MCPH1: variants seen among roughly 807,000 people sequenced by gnomAD.
MCPH1 encodes the protein microcephalin 1.
Under a neutral mutation model 84.5 loss-of-function variants are expected in MCPH1, and 104 were observed. The ratio of observed to expected loss-of-function variants is 1.23; its 90% CI spans 1.05 to 1.45. The LOEUF (loss-of-function observed/expected upper bound fraction) is 1.45. Ranked by LOEUF, MCPH1 falls within the 40% of genes most tolerant of loss-of-function variation. The probability of loss-of-function intolerance (pLI) is 0.00; values close to 1 mark genes in which losing one functional copy is unlikely to be tolerated. For synonymous variants in MCPH1, 514 were observed against 366.8 expected (o/e 1.40, Z -4.58); for missense variants, 1,498 against 1,005.7 (o/e 1.49, Z -6.62).
chr8:6,544,709 C>T (rs1822235613), intron 12 of MCPH1, among the ~76,000 whole-genome samples: 1 of 152,088 alleles, frequency 6.6e-6, no homozygotes, highest in Non-Finnish European at 1.5e-5. Flanking sequence ...AAATGGCACT[C>T]TAAGAAGGAA....
chr8:6,530,153 G>C (rs1464716822), intron 12 of MCPH1, among the ~76,000 whole-genome samples: 5 of 152,158 alleles, frequency 3.3e-5, no homozygotes, highest in Non-Finnish European at 7.4e-5. Context: ...GTATCAAAAG[G>C]TGGGGCATGT....
At chr8:6,428,035 A>G (rs1336642342) in intron 3 of MCPH1, among the ~76,000 whole-genome samples, 2 of 149,980 alleles carry the variant, frequency 1.3e-5, no homozygotes, top group African/African-American at 4.9e-5. Context: ...TCCCGCCTCA[A>G]CCTCCCAAAG....
chr8:6,508,636 A>G (rs1814282615), intron 12 of MCPH1: 1 of 573,454 alleles, frequency 1.7e-6, no homozygotes, highest in Non-Finnish European at 3.1e-6. Context: ...TCTAGTATCC[A>G]GCAAGCACAA....
At chr8:6,547,057 C>T (rs1476551028) in intron 12 of MCPH1, among the ~76,000 whole-genome samples, 4 of 152,048 alleles carry the variant, frequency 2.6e-5, no homozygotes, top group Non-Finnish European at 4.4e-5. Context: ...TCCGTGTGTA[C>T]CGTGGTTGCC....
intron 12 of MCPH1, chr8:6,514,830 T>A (rs1173278047): frequency 7.0e-7 from 1 of 1,422,348 alleles, no homozygotes; most frequent in Admixed American, 1.7e-5. Context: ...ACTCCCCCCT[T>A]ACGTAGCAGA....
At chr8:6,448,954 T>G (rs1804741528) in intron 8 of MCPH1, among the ~76,000 whole-genome samples, 1 of 152,246 alleles carries the variant, frequency 6.6e-6, no homozygotes. Flanking sequence ...CATTTTTTTT[T>G]GTAATACAGG....
At chr8:6,455,746 C>T (rs1805603485) in intron 9 of MCPH1, among the ~76,000 whole-genome samples, 1 of 152,234 alleles carries the variant, frequency 6.6e-6, no homozygotes, top group Non-Finnish European at 1.5e-5. Context: ...GATCCTCTTA[C>T]ATGAGTAATA....
In MCPH1 at chr8:6,539,802, G is replaced by C. The variant is rs2959803; in HGVS notation, c.2214+39873G>C. On this transcript the variant is annotated intron_variant, in intron 12 of 13. Transcript: ENST00000344683. ...GGGCTTCGCCATGTTGGTCAGGCTG[G>C]TCTGAAACTCCTGACATCAGGCCAT... Among the ~76,000 whole-genome samples, 979 of 152,270 alleles carry C rather than the reference G, an allele frequency of 6.4e-3. 13 individuals are homozygous for C. Among genetic ancestry groups the C allele is most frequent in the African/African-American group, 0.023 (945 of 41,558 alleles).
intron 3 of MCPH1, among the ~76,000 whole-genome samples, chr8:6,416,968 TG>T (rs1799393403): frequency 6.6e-6 from 1 of 151,648 alleles, no homozygotes; most frequent in African/African-American, 2.4e-5. Flanking sequence ...CACTTTAGCC[TG>T]GGCGACAAGA....
chr8:6,445,975 C>T, intron 8 of MCPH1: 1 of 980,772 alleles, frequency 1.0e-6, no homozygotes, highest in Non-Finnish European at 1.2e-6. Context: ...GTAGATTAAG[C>T]CATCGATTGT....
At chr8:6,541,424 A>G (rs958803255) in intron 12 of MCPH1, among the ~76,000 whole-genome samples, 4 of 152,098 alleles carry the variant, frequency 2.6e-5, no homozygotes, top group African/African-American at 9.7e-5. Context: ...GGAGAGGAAA[A>G]GCAGTGCTCT....
chr8:6,597,415 G>T (rs1829011012), intron 12 of MCPH1, among the ~76,000 whole-genome samples: 1 of 152,144 alleles, frequency 6.6e-6, no homozygotes, highest in Non-Finnish European at 1.5e-5. Context: ...CCAGATTTTG[G>T]CTACAAGTGG....
At chr8:6,578,801 C>G (rs191498526) in intron 12 of MCPH1, among the ~76,000 whole-genome samples, 2 of 152,294 alleles carry the variant, frequency 1.3e-5, no homozygotes, top group East Asian at 3.9e-4. Context: ...CCTGGTATGG[C>G]TCAGACTCGC....
chr8:6,433,181 A>G (rs1322559215), intron 4 of MCPH1, among the ~76,000 whole-genome samples: 1 of 152,164 alleles, frequency 6.6e-6, no homozygotes, highest in African/African-American at 2.4e-5. Flanking sequence ...TTTTTCCGGT[A>G]TTCATGTACT....
intron 11 of MCPH1, chr8:6,494,409 TA>T (rs1321852444): frequency 3.0e-4 from 45 of 152,332 alleles, no homozygotes; most frequent in Admixed American, 2.5e-3. Context: ...GATTAATGGA[TA>T]AGGCAGTGGA....
At chr8:6,478,333 G>C (rs79278049) in intron 10 of MCPH1, among the ~76,000 whole-genome samples, 2,479 of 152,102 alleles carry the variant, frequency 0.016, 72 homozygotes, top group African/African-American at 0.057. Flanking sequence ...ACATTATATA[G>C]TGAAAAAGGG....
At chr8:6,533,096 A>G (rs751692702) in intron 12 of MCPH1, among the ~76,000 whole-genome samples, 3 of 152,118 alleles carry the variant, frequency 2.0e-5, no homozygotes, top group Admixed American at 6.5e-5. Flanking sequence ...ATTTTTCCTA[A>G]CATGTATGCA....
chr8:6,406,744 C>T, intron 1 of MCPH1, 55 bp downstream of exon 1: 3 of 1,598,120 alleles, frequency 1.9e-6, no homozygotes, highest in South Asian at 2.2e-5. Context: ...ACCGGCACCC[C>T]TCGTCGCGGG....
chr8:6,447,296 T>G (rs1446245913), intron 8 of MCPH1: 1 of 985,264 alleles, frequency 1.0e-6, no homozygotes, highest in Non-Finnish European at 1.2e-6. Flanking sequence ...AGTTTCAATG[T>G]CAGGGATGCA....
Sources: gnomAD v4.1 joint callset for allele counts (sites outside exome capture counted in the v4.1 genomes callset) on GRCh38, gnomAD v4.1.1 for gene constraint, MANE v1.5 for transcripts, NCBI Gene and HGNC (gene_info 2026-07-23, HGNC 2026-07-21) for gene names.